Variants in LRRC27 observed in about 807,000 individuals in gnomAD.
The protein encoded by LRRC27 is leucine rich repeat containing 27, also known as leucine-rich repeat-containing protein 27.
A neutral mutation model predicts 55.0 loss-of-function variants in LRRC27; 57 were observed. The observed-to-expected ratio is 1.04, with a 90% CI of 0.84 to 1.29. The LOEUF (loss-of-function observed/expected upper bound fraction) is 1.29, where lower values mean the gene tolerates loss of function less well. Among genes scored for constraint, LRRC27 ranks in the 50% most tolerant of loss-of-function variants. The pLI is 0.00. For missense variants in LRRC27, 721 were observed against 651.5 expected (o/e 1.11, Z -1.16); for synonymous variants, 278 against 251.9 (o/e 1.10, Z -0.98).
In LRRC27 at chr10:132,365,479, C is replaced by A. The variant is rs760833499; in HGVS notation, c.1345C>A (p.Arg449Ser). ...EKIKQHVLQM[R>S]EQRRFHGQAP... ...GATAAAACAGCACGTCCTCCAAATG[C>A]GTGAGCAAAGAAGATTCCATGGCCA... Residue 449 changes from arginine (R) to serine (S), a missense_variant, in exon 10 of 11, where the codon CGT becomes AGT. Arg to Ser is a moderately radical substitution (Grantham distance 110). Coordinates refer to ENST00000368614, the MANE Select transcript of LRRC27 (RefSeq NM_030626.3). 4 of 1,613,652 alleles carry A rather than the reference C, an allele frequency of 2.5e-6. No individual in the cohort carries two copies. Among genetic ancestry groups the A allele is most frequent in the Non-Finnish European group, 3.4e-6 (4 of 1,179,964 alleles).
chr10:132,343,114 C>T (rs1401268349), intron 4 of LRRC27, among the ~76,000 whole-genome samples: 2 of 151,998 alleles, frequency 1.3e-5, no homozygotes, highest in East Asian at 3.8e-4. Flanking sequence ...TTGAAACCAG[C>T]CTGGGTAACA....
intron 2 of LRRC27, chr10:132,337,169 C>T: frequency 2.5e-6 from 3 of 1,180,254 alleles, no homozygotes; most frequent in Non-Finnish European, 3.2e-6. Flanking sequence ...GCTATTTGCT[C>T]AGTAAGCAGG....
Position 132,379,967 on chromosome 10 carries a change from A to G in LRRC27, c.*4725A>G, listed in dbSNP as rs1328298909. 2 of 152,280 alleles carry G rather than the reference A, an allele frequency of 1.3e-5. No individual in the cohort carries two copies. Among genetic ancestry groups the G allele is most frequent in the Non-Finnish European group, 2.9e-5 (2 of 68,092 alleles). 9.4% of individuals were successfully genotyped at this position (152,280 alleles called of 1,614,324 possible). ...AATGCATAAAATATACAGACCATAC[A>G]TGGACCATTCACAGTAGAGAGAAAT... is the stretch of plus-strand genomic sequence containing the variant. On this transcript the variant is annotated 3_prime_UTR_variant, in exon 11 of 11. Transcript: ENST00000368614.
intron 9 of LRRC27, among the ~76,000 whole-genome samples, chr10:132,364,489 A>C: frequency 6.7e-4 from 1 of 1,482 alleles, no homozygotes; most frequent in Non-Finnish European, 3.5e-3. Flanking sequence ...ACCCACACTT[A>C]CACCCACCCT....
chr10:132,372,128 G>T lies in LRRC27; in HGVS notation c.1417-2938G>T, dbSNP rs887727620. Among the ~76,000 whole-genome samples, 25 of 152,252 alleles carry T rather than the reference G, an allele frequency of 1.6e-4. No homozygotes were observed. Among genetic ancestry groups the T allele is most frequent in the African/African-American group, 5.5e-4 (23 of 41,558 alleles). The stretch of plus-strand genomic sequence containing the variant: ...GATGGGAAGTGGGGGTCGGGGTGCG[G>T]TGGCTCACGCCTGCAATCCCAGTTG... On this transcript the variant is annotated intron_variant, in intron 10 of 10. Coordinates refer to ENST00000368614, the MANE Select transcript of LRRC27 (RefSeq NM_030626.3). The surrounding 1 kb of genome is among the most constrained non-coding windows in gnomAD (Gnocchi z 4.0).
chr10:132,351,754 G>GT lies in LRRC27; in HGVS notation c.1073+2dup. 6.2e-7 allele frequency: 1 copy of GT among 1,611,330 alleles called. No individual in the cohort carries two copies. The highest frequency in any genetic ancestry group is 8.5e-7 in the Non-Finnish European group (1 of 1,178,892). ...AGGCTCTGATGGAGCAGCAGAGACG[G>GT]TGAGTCCACACAGGGTGGGGGTCCG... On this transcript the variant is annotated splice_donor_variant, in intron 7 of 10. Transcript: ENST00000368614. LOFTEE classifies it high-confidence loss of function.
intron 3 of LRRC27, among the ~76,000 whole-genome samples, chr10:132,340,460 C>T (rs768995206): frequency 3.3e-5 from 5 of 152,218 alleles, no homozygotes; most frequent in South Asian, 2.1e-4. Context: ...TTGGAGAAGC[C>T]GAGAGCGTGG....
intron 5 of LRRC27, among the ~76,000 whole-genome samples, chr10:132,345,998 C>T (rs1190710821): frequency 6.6e-6 from 1 of 152,234 alleles, no homozygotes; most frequent in African/African-American, 2.4e-5. Flanking sequence ...TGACAGAAGT[C>T]AGCGATGGGA....
intron 10 of LRRC27, among the ~76,000 whole-genome samples, chr10:132,370,891 C>G (rs1356670577): frequency 6.6e-6 from 1 of 152,246 alleles, no homozygotes; most frequent in Non-Finnish European, 1.5e-5. Flanking sequence ...CATGCCAGCC[C>G]TCCCTGCAGG....
intron 9 of LRRC27, 106 bp from the exon 10 acceptor site, chr10:132,365,318 T>C: frequency 6.8e-7 from 1 of 1,470,336 alleles, no homozygotes; most frequent in Non-Finnish European, 9.4e-7. Context: ...GGACCGCTGT[T>C]TGGTCTGGGA....
upstream of LRRC27, chr10:132,332,049 A>C (rs2066792441): frequency 1.9e-4 from 44 of 235,030 alleles, no homozygotes; most frequent in Non-Finnish European, 2.1e-4. Flanking sequence ...CGCAGGCACA[A>C]ACCCCCACAA....
In LRRC27 at chr10:132,342,223, A is replaced by T; in HGVS notation, c.352A>T (p.Thr118Ser). Reference sequence around the variant, plus strand: ...TGTTTTGCTTTAAAGGCATTTGAAAACTTTGCTTTTAGAAAGAAATCCTAT... The same window carrying T: ...TGTTTTGCTTTAAAGGCATTTGAAATCTTTGCTTTTAGAAAGAAATCCTAT... The part of the protein sequence containing the change: ...SGIGAHQHLK[T>S]LLLERNPIKM... The change falls in exon 4 of 11, where the codon ACT becomes TCT. Residue 118 changes from threonine to serine, a missense_variant. Thr to Ser is a moderately conservative substitution (Grantham distance 58). Transcript: ENST00000368614. 1.3e-6 allele frequency: 2 copies of T among 1,551,916 alleles called. No individual in the cohort carries two copies. Among genetic ancestry groups the T allele is most frequent in the Non-Finnish European group, 1.7e-6 (2 of 1,147,484 alleles).
chr10:132,359,006 G>A (rs769006782), intron 8 of LRRC27, among the ~76,000 whole-genome samples: 7 of 54,506 alleles, frequency 1.3e-4, no homozygotes, highest in East Asian at 8.1e-4. Flanking sequence ...AGCCGAGGTG[G>A]TGGAGCAGCG....
rs143789427 is a variant in LRRC27, at chr10:132,378,132, G to A, written c.*2890G>A. ...GGAGCTTGCAGTGAGCCGAGATCGCGCCACTGCACTCCAGCCTGGGCGACA... is the reference window on the plus strand; with the variant it reads ...GGAGCTTGCAGTGAGCCGAGATCGCACCACTGCACTCCAGCCTGGGCGACA... On this transcript the variant is annotated 3_prime_UTR_variant, in exon 11 of 11. Coordinates refer to ENST00000368614, the MANE Select transcript of LRRC27 (RefSeq NM_030626.3). 12,589 of 150,120 alleles carry A rather than the reference G, an allele frequency of 0.084. 656 individuals carry two copies. Among genetic ancestry groups the A allele is most frequent in the African/African-American group, 0.15 (6,215 of 40,704 alleles). The allele number at this position is 150,120 out of a possible 1,614,324, so 9.3% of individuals were successfully genotyped here.
chr10:132,344,368 A>T, intron 4 of LRRC27, 130 bp from the exon 5 acceptor site: 2 of 965,442 alleles, frequency 2.1e-6, no homozygotes, highest in African/African-American at 1.6e-5. Context: ...GACATCTGTT[A>T]ACGTGATTTT....
intron 2 of LRRC27, among the ~76,000 whole-genome samples, chr10:132,334,770 G>C (rs1217985008): frequency 1.3e-5 from 2 of 152,146 alleles, no homozygotes; most frequent in African/African-American, 2.4e-5. Flanking sequence ...CCTCAGCCCT[G>C]AATAAGGGAT....
intron 9 of LRRC27, 126 bp from the exon 10 acceptor site, chr10:132,365,298 G>C: frequency 7.8e-7 from 1 of 1,279,692 alleles, no homozygotes; most frequent in Middle Eastern, 1.9e-4. Flanking sequence ...ACAGCTGTGC[G>C]GGAGCCTCAG....
At position 132,374,164 on chromosome 10, in the gene LRRC27, C is replaced by T. The variant is rs2069288025; in HGVS notation, c.1417-902C>T. Reference sequence around the variant, plus strand: ...TGCATGGTGAGGGGGTGCAGTGGCTCCAGGGACCTGCTGTGATATGGCTGC... The same window carrying T: ...TGCATGGTGAGGGGGTGCAGTGGCTTCAGGGACCTGCTGTGATATGGCTGC... On this transcript the variant is annotated intron_variant, in intron 10 of 10. Coordinates refer to ENST00000368614, the MANE Select transcript of LRRC27 (RefSeq NM_030626.3). The surrounding 1 kb of genome is among the most constrained non-coding windows in gnomAD (Gnocchi z 4.4). Among the ~76,000 whole-genome samples the T allele has an allele frequency of 7.5e-6, 1 of 133,318 alleles. No individual in the cohort carries two copies. The highest frequency in any genetic ancestry group is 1.7e-5 in the Non-Finnish European group (1 of 58,736). 87.5% of individuals were successfully genotyped at this position (133,318 alleles called of 152,430 possible).
chr10:132,346,518 T>C (rs553147789), intron 5 of LRRC27, among the ~76,000 whole-genome samples: 1 of 152,216 alleles, frequency 6.6e-6, no homozygotes, highest in Non-Finnish European at 1.5e-5. Flanking sequence ...CTACTAAAAA[T>C]ACAAAAAATT....
Sources: allele counts gnomAD v4.1 joint callset (sites outside exome capture counted in the v4.1 genomes callset), GRCh38; gene constraint gnomAD v4.1.1; non-coding constraint Gnocchi (gnomAD v3.1); transcripts MANE v1.5; gene names NCBI Gene and HGNC (gene_info 2026-07-23, HGNC 2026-07-21).